EYS: variants seen among roughly 807,000 people sequenced by gnomAD.
The protein encoded by EYS is protein eyes shut homolog.
EYS carries 250 observed loss-of-function variants against 282.1 expected under a neutral mutation model. The observed-to-expected ratio is 0.89, with a 90% CI of 0.80 to 0.98. EYS has a LOEUF of 0.98. EYS is among the 50% of genes least tolerant of loss of function. EYS has a pLI of 0.00. For missense variants in EYS, 4,016 were observed against 3,709.0 expected (o/e 1.08, Z -2.15); for synonymous variants, 1,355 against 1,282.9 (o/e 1.06, Z -1.20).
chr6:63,830,995 C>A (rs1432287323), intron 36 of EYS, among the ~76,000 whole-genome samples: 4 of 152,074 alleles, frequency 2.6e-5, no homozygotes, highest in African/African-American at 9.7e-5. Context: ...GAAATAAAAT[C>A]CTTTACAGAC....
intron 37 of EYS, 84 bp downstream of exon 37, chr6:63,806,106 A>T: frequency 8.2e-7 from 1 of 1,217,530 alleles, no homozygotes; most frequent in Non-Finnish European, 1.1e-6. Context: ...TTTTTTTACC[A>T]CAGCCAATTA....
intron 12 of EYS, among the ~76,000 whole-genome samples, chr6:65,159,069 A>G (rs1043761836): frequency 2.0e-5 from 3 of 150,752 alleles, no homozygotes; most frequent in Non-Finnish European, 3.0e-5. Context: ...TTCCCTTCTT[A>G]TCTTGCTCTT....
chr6:64,581,494 T>A (rs1766066760), intron 26 of EYS, among the ~76,000 whole-genome samples: 1 of 152,196 alleles, frequency 6.6e-6, no homozygotes, highest in African/African-American at 2.4e-5. Flanking sequence ...ATTTGCTGTT[T>A]AATGTCATTC....
intron 35 of EYS, among the ~76,000 whole-genome samples, chr6:63,889,967 C>G (rs143341691): frequency 6.6e-6 from 1 of 152,086 alleles, no homozygotes; most frequent in African/African-American, 2.4e-5. Flanking sequence ...GGTTACAATC[C>G]TAGTCTCTGA....
chr6:64,135,490 A>G lies in EYS; in HGVS notation c.6425-53488T>C, dbSNP rs184475157. 6.2e-3 allele frequency among the ~76,000 whole-genome samples: 940 copies of G among 152,174 alleles called. 15 individuals carry two copies. Among genetic ancestry groups the G allele is most frequent in the Non-Finnish European group, 5.0e-3 (337 of 67,972 alleles). On this transcript the variant is annotated intron_variant, in intron 31 of 42. Coordinates refer to ENST00000503581, the MANE Select transcript of EYS (RefSeq NM_001142800.2). Reference sequence around the variant, plus strand: ...TAACACTATGGGGATATTTTAAAATAAATAATTAAACGAGTAATGGGAAGG... The same window carrying G: ...TAACACTATGGGGATATTTTAAAATGAATAATTAAACGAGTAATGGGAAGG...
chr6:64,335,516 C>G (rs373108691), intron 29 of EYS, among the ~76,000 whole-genome samples: 2 of 152,096 alleles, frequency 1.3e-5, no homozygotes, highest in African/African-American at 4.8e-5. Context: ...TCCTGTCTCA[C>G]GTAGTTCCCA....
intron 29 of EYS, among the ~76,000 whole-genome samples, chr6:64,312,169 C>T (rs1366222067): frequency 6.6e-6 from 1 of 151,960 alleles, no homozygotes; most frequent in Non-Finnish European, 1.5e-5. Flanking sequence ...CTGAGGTCGA[C>T]CTAGGATGCT....
Position 65,353,594 on chromosome 6 carries a change from T to A in EYS, c.1323A>T (p.Thr441=), listed in dbSNP as rs779767027. The part of the protein sequence containing the change: ...RFKYVCIPGC[T]KNPCWFLKNV... ...TCTTCAAAAACCAACATGGATTTTT[T>A]GTGCACCCTGGAATGCATACATACT... The change falls in exon 9 of 43, where the codon ACA becomes ACT. Residue 441 remains threonine (T), a synonymous_variant. Coordinates refer to ENST00000503581, the MANE Select transcript of EYS (RefSeq NM_001142800.2). 1.2e-6 allele frequency: 2 copies of A among 1,613,116 alleles called. No homozygotes were observed. Among genetic ancestry groups the A allele is most frequent in the East Asian group, 4.5e-5 (2 of 44,690 alleles).
intron 29 of EYS, among the ~76,000 whole-genome samples, chr6:64,383,016 G>A (rs756499070): frequency 4.6e-5 from 7 of 152,150 alleles, no homozygotes; most frequent in South Asian, 2.1e-4. Flanking sequence ...GCCTGGGCAC[G>A]GTGGCTCATG....
intron 5 of EYS, among the ~76,000 whole-genome samples, chr6:65,474,765 C>T (rs1296512025): frequency 6.6e-6 from 1 of 152,002 alleles, no homozygotes; most frequent in Non-Finnish European, 1.5e-5. Context: ...TTGTTTTAAA[C>T]CACTTAATTT....
At chr6:64,062,158 C>T (rs1771199237) in intron 33 of EYS, among the ~76,000 whole-genome samples, 1 of 151,962 alleles carries the variant, frequency 6.6e-6, no homozygotes, top group South Asian at 2.1e-4. Context: ...AAAGCCGTAC[C>T]AAAAGACCTT....
intron 19 of EYS, among the ~76,000 whole-genome samples, chr6:64,831,328 C>T (rs1300182762): frequency 6.6e-6 from 1 of 151,868 alleles, no homozygotes; most frequent in African/African-American, 2.4e-5. Flanking sequence ...CGGTATATAT[C>T]AAATACTGGA....
chr6:65,270,931 T>G (rs1767881751), intron 12 of EYS, among the ~76,000 whole-genome samples: 1 of 151,632 alleles, frequency 6.6e-6, no homozygotes, highest in South Asian at 2.1e-4. Context: ...CTTCTCTTTC[T>G]GAGCCCTCAC....
intron 22 of EYS, among the ~76,000 whole-genome samples, chr6:64,719,282 C>A (rs576914043): frequency 6.6e-6 from 1 of 152,220 alleles, no homozygotes; most frequent in African/African-American, 2.4e-5. Context: ...CAAAACAAGT[C>A]CATCCATACT....
intron 12 of EYS, among the ~76,000 whole-genome samples, chr6:65,064,023 A>G (rs1239408325): frequency 6.6e-6 from 1 of 150,716 alleles, no homozygotes; most frequent in Non-Finnish European, 1.5e-5. Flanking sequence ...CTATACACTA[A>G]TACTTTACAC....
At chr6:64,207,706 G>A (rs974095717) in intron 31 of EYS, among the ~76,000 whole-genome samples, 4 of 151,952 alleles carry the variant, frequency 2.6e-5, no homozygotes, top group Admixed American at 1.3e-4. Context: ...CACCCAGGCC[G>A]GAGTGCAGTG....
intron 22 of EYS, among the ~76,000 whole-genome samples, chr6:64,757,713 T>A (rs1186181984): frequency 5.3e-5 from 8 of 151,644 alleles, no homozygotes. Context: ...CAGCTACATC[T>A]ACAAAAGATT....
At chr6:64,936,472 C>T (rs1051794061) in intron 15 of EYS, among the ~76,000 whole-genome samples, 5 of 151,188 alleles carry the variant, frequency 3.3e-5, no homozygotes, top group East Asian at 1.9e-4. Context: ...CAGAAAAAAA[C>T]GTATCAATAT....
intron 22 of EYS, among the ~76,000 whole-genome samples, chr6:64,659,834 C>A (rs1403210473): frequency 1.3e-5 from 2 of 151,970 alleles, no homozygotes; most frequent in East Asian, 3.9e-4. Flanking sequence ...CCATTCCTTC[C>A]GAAATTATTC....
Sources: gnomAD v4.1 joint callset for allele counts (sites outside exome capture counted in the v4.1 genomes callset) on GRCh38, gnomAD v4.1.1 for gene constraint, MANE v1.5 for transcripts, NCBI Gene and HGNC (gene_info 2026-07-23, HGNC 2026-07-21) for gene names.